The following UBTD2 variants were observed in gnomAD, a reference collection of about 807,000 sequenced individuals.
The protein encoded by UBTD2 is ubiquitin domain containing 2.
Under a neutral mutation model 19.8 loss-of-function variants are expected in UBTD2, and 9 were observed. The observed-to-expected ratio is 0.46, with a 90% CI of 0.27 to 0.79. UBTD2 has a LOEUF of 0.79. UBTD2 is among the 30% of genes least tolerant of loss of function. UBTD2 has a pLI of 0.14. For synonymous variants in UBTD2, 98 were observed against 103.9 expected (o/e 0.94, Z 0.35); for missense variants, 250 against 300.4 (o/e 0.83, Z 1.24).
chr5:172,244,770 T>C (rs1754831148), intron 1 of UBTD2, among the ~76,000 whole-genome samples: 1 of 151,934 alleles, frequency 6.6e-6, no homozygotes, highest in African/African-American at 2.4e-5. Context: ...CTCTAGTCCC[T>C]CAGGATGGAG....
chr5:172,245,068 G>GAACTCAA (rs1754849311), intron 1 of UBTD2, among the ~76,000 whole-genome samples: 1 of 152,172 alleles, frequency 6.6e-6, no homozygotes, highest in Non-Finnish European at 1.5e-5. Context: ...AATAGTAGCG[G>GAACTCAA]TAGAGTGGAC....
At chr5:172,233,236 G>T (rs1021469294) in intron 2 of UBTD2, among the ~76,000 whole-genome samples, 1 of 152,122 alleles carries the variant, frequency 6.6e-6, no homozygotes, top group African/African-American at 2.4e-5. Flanking sequence ...TGTAGATAAA[G>T]GGACGTACTA....
intron 1 of UBTD2, among the ~76,000 whole-genome samples, chr5:172,242,975 T>C (rs1206918513): frequency 1.3e-5 from 2 of 152,118 alleles, no homozygotes; most frequent in Non-Finnish European, 2.9e-5. Context: ...TGCTCCGAAA[T>C]TGACCCACAT....
chr5:172,233,860 G>A (rs1022073591), intron 2 of UBTD2, among the ~76,000 whole-genome samples: 11 of 151,738 alleles, frequency 7.2e-5, no homozygotes, highest in Non-Finnish European at 1.3e-4. Context: ...TAGGTTACAC[G>A]GAAACTTTTT....
chr5:172,264,433 T>C (rs1017017962), intron 1 of UBTD2, among the ~76,000 whole-genome samples: 1 of 150,702 alleles, frequency 6.6e-6, no homozygotes, highest in Non-Finnish European at 1.5e-5. Context: ...CCCAGCTACC[T>C]GGGAGGCTGA....
At chr5:172,277,721 A>G (rs2113139320) in intron 1 of UBTD2, among the ~76,000 whole-genome samples, 1 of 152,132 alleles carries the variant, frequency 6.6e-6, no homozygotes, top group African/African-American at 2.4e-5. Flanking sequence ...AACAACAACA[A>G]CAACAACTTT....
intron 1 of UBTD2, among the ~76,000 whole-genome samples, chr5:172,249,313 C>T (rs111476750): frequency 8.3e-5 from 12 of 144,280 alleles, no homozygotes; most frequent in East Asian, 2.1e-4. Context: ...GCAGGAGAAT[C>T]GCTTGAACCC....
At chr5:172,216,523 T>C (rs886343540) in intron 2 of UBTD2, among the ~76,000 whole-genome samples, 2 of 124,770 alleles carry the variant, frequency 1.6e-5, no homozygotes, top group African/African-American at 6.3e-5. Flanking sequence ...GAGGCCAAGG[T>C]AGGAGGACTG....
At chr5:172,279,824 C>T (rs1018290609) in intron 1 of UBTD2, among the ~76,000 whole-genome samples, 17 of 152,280 alleles carry the variant, frequency 1.1e-4, no homozygotes, top group African/African-American at 2.6e-4. Context: ...CATTCTAGTA[C>T]GGCGGAGAAC....
chr5:172,234,612 A>G (rs1352359401), intron 1 of UBTD2, among the ~76,000 whole-genome samples: 1 of 152,216 alleles, frequency 6.6e-6, no homozygotes, highest in Non-Finnish European at 1.5e-5. Flanking sequence ...AGGATCATTA[A>G]AAAGAATTAC....
intron 1 of UBTD2, among the ~76,000 whole-genome samples, chr5:172,249,401 GAAAAA>G (rs756803780): frequency 0.017 from 1,056 of 63,294 alleles, 4 homozygotes; most frequent in South Asian, 0.041. Flanking sequence ...TCCGTCTCAT[GAAAAA>G]AAAAAAAAAA....
chr5:172,232,520 A>T (rs912673018), intron 2 of UBTD2, among the ~76,000 whole-genome samples: 1 of 152,170 alleles, frequency 6.6e-6, no homozygotes, highest in African/African-American at 2.4e-5. Context: ...AGCACAATTA[A>T]TCAGAAAACT....
rs1771450717 is a variant in UBTD2, at chr5:172,211,720, C to T, written c.*110G>A. The T allele has an allele frequency of 8.3e-7, 1 of 1,207,110 alleles. No individual in the cohort carries two copies. The highest frequency in any genetic ancestry group is 1.1e-6 in the Non-Finnish European group (1 of 899,052). 74.8% of individuals were successfully genotyped at this position (1,207,110 alleles called of 1,614,324 possible). ...GTAATTCCTCAGAACTAAATCCATT[C>T]ATAGGGAATTTAGAGCAGTGAAATA... On this transcript the variant is annotated 3_prime_UTR_variant, in exon 3 of 3. Coordinates refer to ENST00000393792, the MANE Select transcript of UBTD2 (RefSeq NM_152277.3).
rs138875654 is a variant in UBTD2, at chr5:172,271,957, T to C, written c.70+11639A>G. 3.7e-4 allele frequency among the ~76,000 whole-genome samples: 57 copies of C among 152,308 alleles called. No homozygotes were observed. In the East Asian group the frequency reaches 8.5e-3, roughly 23 times the overall value. On this transcript the variant is annotated intron_variant, in intron 1 of 2. Coordinates refer to ENST00000393792, the MANE Select transcript of UBTD2 (RefSeq NM_152277.3). ...GAGAAAAGCCCAAGTCACTAATTCA[T>C]TACTTAGTCAAGCTTTGAGCAAATG...
chr5:172,281,437 T>C (rs1420784975), intron 1 of UBTD2, among the ~76,000 whole-genome samples: 1 of 152,200 alleles, frequency 6.6e-6, no homozygotes, highest in African/African-American at 2.4e-5. Context: ...AGGTCAAGGC[T>C]GCAGTGAGCT....
At chr5:172,248,105 C>T (rs1754919880) in intron 1 of UBTD2, among the ~76,000 whole-genome samples, 1 of 151,992 alleles carries the variant, frequency 6.6e-6, no homozygotes, top group South Asian at 2.1e-4. Flanking sequence ...TGAGAAAATA[C>T]AATGAGATGA....
intron 2 of UBTD2, among the ~76,000 whole-genome samples, chr5:172,217,643 G>A (rs1481860767): frequency 1.3e-5 from 2 of 151,856 alleles, no homozygotes; most frequent in Admixed American, 6.6e-5. Context: ...ACCCCACCAT[G>A]CCCAGGTAAT....
In UBTD2 at chr5:172,263,769, G is replaced by A. The variant is rs564643474; in HGVS notation, c.70+19827C>T. Among the ~76,000 whole-genome samples the A allele has an allele frequency of 5.9e-5, 9 of 152,060 alleles. No homozygotes were observed. The East Asian group carries it at 1.7e-3, about 29-fold the overall frequency. ...GATCGCGCCACTGCACTCCAGCCTG[G>A]GGGACAGAGCGAGACTCCATCTCAA... On this transcript the variant is annotated intron_variant, in intron 1 of 2. Transcript: ENST00000393792.
At chr5:172,232,091 C>T (rs763024186) in intron 2 of UBTD2, among the ~76,000 whole-genome samples, 15 of 151,830 alleles carry the variant, frequency 9.9e-5, no homozygotes, top group African/African-American at 2.7e-4. Flanking sequence ...GCCAACATGG[C>T]GAAACCCTGT....
Sources: allele counts gnomAD v4.1 joint callset (sites outside exome capture counted in the v4.1 genomes callset), GRCh38; gene constraint gnomAD v4.1.1; transcripts MANE v1.5; gene names NCBI Gene and HGNC (gene_info 2026-07-23, HGNC 2026-07-21).